SCAPER: variants seen among roughly 807,000 people sequenced by gnomAD.
The protein encoded by SCAPER is S phase cyclin A-associated protein in the endoplasmic reticulum.
Under a neutral mutation model 182.2 loss-of-function variants are expected in SCAPER, and 98 were observed. The observed-to-expected ratio is 0.54, with a 90% CI of 0.46 to 0.64. The LOEUF (loss-of-function observed/expected upper bound fraction) is 0.64, where lower values mean the gene tolerates loss of function less well. SCAPER is among the 30% of genes least tolerant of loss of function. The probability of loss-of-function intolerance (pLI) is 0.00; values close to 1 mark genes in which losing one functional copy is unlikely to be tolerated. For missense variants in SCAPER, 1,432 were observed against 1,690.0 expected (o/e 0.85, Z 2.68); for synonymous variants, 605 against 564.6 (o/e 1.07, Z -1.01).
chr15:76,641,979 A>G (rs989350508), intron 21 of SCAPER, among the ~76,000 whole-genome samples: 31 of 152,230 alleles, frequency 2.0e-4, no homozygotes. Context: ...ATGAAGTTTT[A>G]GTCAGGTTAG....
At chr15:76,492,033 T>C (rs1355570089) in intron 24 of SCAPER, among the ~76,000 whole-genome samples, 1 of 152,244 alleles carries the variant, frequency 6.6e-6, no homozygotes, top group Non-Finnish European at 1.5e-5. Flanking sequence ...ATGTGCTTAC[T>C]TGGCATCTTT....
chr15:76,498,139 G>A (rs2143632571), intron 24 of SCAPER, among the ~76,000 whole-genome samples: 1 of 151,928 alleles, frequency 6.6e-6, no homozygotes, highest in Admixed American at 6.6e-5. Context: ...TTCCACAAAG[G>A]TAACACAGTA....
chr15:76,398,239 C>T (rs925230213), intron 27 of SCAPER, among the ~76,000 whole-genome samples: 5 of 152,228 alleles, frequency 3.3e-5, no homozygotes, highest in African/African-American at 1.2e-4. Flanking sequence ...CTCTGAACTC[C>T]ATCAATGACA....
At chr15:76,523,501 T>C (rs1198289084) in intron 23 of SCAPER, among the ~76,000 whole-genome samples, 1 of 152,026 alleles carries the variant, frequency 6.6e-6, no homozygotes, top group Non-Finnish European at 1.5e-5. Flanking sequence ...AAATGAGTAA[T>C]AATATAAATA....
intron 25 of SCAPER, among the ~76,000 whole-genome samples, chr15:76,434,583 A>G (rs534994776): frequency 3.3e-5 from 5 of 152,326 alleles, no homozygotes; most frequent in Non-Finnish European, 7.3e-5. Context: ...TGATTATTAA[A>G]TGAGCTGATA....
chr15:76,720,775 TG>T (rs1185325013), intron 17 of SCAPER, among the ~76,000 whole-genome samples: 1 of 152,306 alleles, frequency 6.6e-6, no homozygotes, highest in South Asian at 2.1e-4. Flanking sequence ...TTGATGGGGT[TG>T]TTTTTTTCCT....
chr15:76,603,941 T>C (rs2050127235), intron 22 of SCAPER, among the ~76,000 whole-genome samples: 1 of 120,932 alleles, frequency 8.3e-6, no homozygotes, highest in Admixed American at 9.4e-5. Context: ...GTCAGATGAG[T>C]AGGTTGCAAA....
intron 1 of SCAPER, among the ~76,000 whole-genome samples, chr15:76,894,657 G>C (rs557442950): frequency 1.3e-5 from 2 of 152,192 alleles, no homozygotes; most frequent in South Asian, 4.1e-4. Flanking sequence ...CCTTTAGCTA[G>C]ACTAAGAAAA....
chr15:76,390,083 A>C (rs546315164), intron 27 of SCAPER, among the ~76,000 whole-genome samples: 68 of 152,194 alleles, frequency 4.5e-4, no homozygotes, highest in African/African-American at 1.5e-3. Context: ...CAGCCTCCCA[A>C]GTAGCTGGGA....
intron 25 of SCAPER, among the ~76,000 whole-genome samples, chr15:76,470,097 G>A (rs1009196521): frequency 2.6e-5 from 4 of 151,914 alleles, no homozygotes; most frequent in Admixed American, 2.0e-4. Flanking sequence ...GACTGTAAGG[G>A]CTTCATAATT....
At chr15:76,841,492 CA>C (rs1246116617) in intron 5 of SCAPER, among the ~76,000 whole-genome samples, 1 of 151,934 alleles carries the variant, frequency 6.6e-6, no homozygotes, top group Non-Finnish European at 1.5e-5. Flanking sequence ...ACTAAAAATA[CA>C]AAAATTAGCC....
At chr15:76,719,791 A>G (rs1166366457) in intron 17 of SCAPER, among the ~76,000 whole-genome samples, 2 of 152,168 alleles carry the variant, frequency 1.3e-5, no homozygotes, top group African/African-American at 4.8e-5. Context: ...AAAGATGAGG[A>G]AAAAAATCCC....
intron 8 of SCAPER, among the ~76,000 whole-genome samples, chr15:76,787,675 G>A (rs1460020451): frequency 8.6e-5 from 13 of 152,006 alleles, no homozygotes; most frequent in Admixed American, 8.5e-4. Flanking sequence ...GGCAAAAAAC[G>A]AACCTTCACT....
chr15:76,372,301 TTCC>T (rs2042237455), intron 29 of SCAPER, among the ~76,000 whole-genome samples: 1 of 152,208 alleles, frequency 6.6e-6, no homozygotes, highest in African/African-American at 2.4e-5. Flanking sequence ...TCTCAGTCTG[TTCC>T]TCCTCCTTGT....
intron 24 of SCAPER, among the ~76,000 whole-genome samples, chr15:76,474,974 A>G (rs1346642832): frequency 1.3e-5 from 2 of 152,322 alleles, no homozygotes; most frequent in African/African-American, 4.8e-5. Flanking sequence ...CATTTATGAC[A>G]TATCAGTTGG....
intron 25 of SCAPER, among the ~76,000 whole-genome samples, chr15:76,437,525 T>C (rs1272312167): frequency 6.6e-6 from 1 of 152,228 alleles, no homozygotes; most frequent in Non-Finnish European, 1.5e-5. Flanking sequence ...TCCTCTAAAA[T>C]ACAACTTTCT....
At chr15:76,435,025 C>A (rs1311871363) in intron 25 of SCAPER, among the ~76,000 whole-genome samples, 3 of 152,174 alleles carry the variant, frequency 2.0e-5, no homozygotes, top group Non-Finnish European at 2.9e-5. Context: ...TTGGTGACAA[C>A]CAGCCTTTGC....
intron 23 of SCAPER, among the ~76,000 whole-genome samples, chr15:76,538,726 A>G (rs989022803): frequency 5.3e-5 from 8 of 151,948 alleles, no homozygotes; most frequent in Admixed American, 1.3e-4. Context: ...TAATAATTAA[A>G]AAAAAAAGAA....
chr15:76,438,522 CT>C (rs1350704831), intron 25 of SCAPER, among the ~76,000 whole-genome samples: 1 of 152,222 alleles, frequency 6.6e-6, no homozygotes, highest in African/African-American at 2.4e-5. Flanking sequence ...TCACTGGGGG[CT>C]TTGTGCTTAA....
Sources: gnomAD v4.1 joint callset for allele counts (sites outside exome capture counted in the v4.1 genomes callset) on GRCh38, gnomAD v4.1.1 for gene constraint, MANE v1.5 for transcripts, NCBI Gene and HGNC (gene_info 2026-07-23, HGNC 2026-07-21) for gene names.